Variants in PIM3 observed in about 807,000 individuals in gnomAD.
PIM3 encodes Pim-3 proto-oncogene, serine/threonine kinase, also known as serine/threonine-protein kinase pim-3.
Under a neutral mutation model 27.5 loss-of-function variants are expected in PIM3, and 13 were observed. That is an observed-to-expected ratio of 0.47 (90% CI 0.31 to 0.75). PIM3 has a LOEUF of 0.75. Ranked by LOEUF, PIM3 falls within the 30% of genes least tolerant of loss-of-function variation. The pLI, the probability that PIM3 is intolerant of heterozygous loss-of-function variation, is 0.05. For missense variants in PIM3, 482 were observed against 476.9 expected (o/e 1.01, Z -0.10); for synonymous variants, 341 against 221.1 (o/e 1.54, Z -4.81).
In PIM3 at chr22:49,961,643, T is replaced by C. The variant is rs1447299448; in HGVS notation, c.448T>C (p.Phe150Leu). 4.5e-6 allele frequency: 7 copies of C among 1,567,734 alleles called. No individual in the cohort carries two copies. In the East Asian group the frequency reaches 1.7e-4, roughly 37 times the overall value. ...CCTGGACGAGCCGCTGGCGCGCCGC[T>C]TCTTCGCGCAGGTGCTGGCCGCCGT... ...GALDEPLARRFFAQVLAAVRH... is the reference protein window; with the variant it reads ...GALDEPLARRLFAQVLAAVRH... The change falls in exon 4 of 6, where the codon TTC (phenylalanine) becomes CTC (leucine). Residue 150 changes from phenylalanine to leucine, a missense_variant. Transcript: ENST00000360612.
rs962395111 is a variant in PIM3 at position 49,963,534 on chromosome 22, C to G, written c.*407C>G. ...CACACACAATGCAAGTCCTGGCCTC[C>G]GCGCCCGCCCGCCCACGCGAGCCGT... On this transcript the variant is annotated 3_prime_UTR_variant, in exon 6 of 6. Transcript: ENST00000360612. 6.1e-6 allele frequency: 1 copy of G among 164,878 alleles called. No homozygotes were observed. Among genetic ancestry groups the G allele is most frequent in the African/African-American group, 2.4e-5 (1 of 41,908 alleles). The allele number at this position is 164,878 out of a possible 1,614,324, so 10.2% of individuals were successfully genotyped here.
rs1193680182 is a variant in PIM3, at chr22:49,963,102, C to T, written c.956C>T (p.Thr319Ile). The change falls in exon 6 of 6, where the codon ACC becomes ATC. Residue 319 changes from threonine (T) to isoleucine (I), a missense_variant. Thr to Ile is a moderately conservative substitution (Grantham distance 89, BLOSUM62 -1). Transcript: ENST00000360612. ...CTCGACCCTGATGACGTGGCCAGCA[C>T]CACGTCCAGCAGCGAGAGCTTGTGA... Reference protein sequence around the residue: ...CTLDPDDVASTTSSSESL With the variant: ...CTLDPDDVASITSSSESL The T allele has an allele frequency of 6.2e-7, 1 of 1,608,636 alleles. No individual in the cohort carries two copies. Among genetic ancestry groups the T allele is most frequent in the Non-Finnish European group, 8.5e-7 (1 of 1,178,014 alleles).
Position 49,963,398 on chromosome 22 carries a change from C to A in PIM3, c.*271C>A. ...CAGACGCCCCTCTGTGCTGCTGTGT[C>A]CGGAGGCGGCCTTCCCATCTGCCTG... On this transcript the variant is annotated 3_prime_UTR_variant, in exon 6 of 6. Coordinates refer to ENST00000360612, the MANE Select transcript of PIM3 (RefSeq NM_001001852.4). 1 of 380,702 alleles carries A rather than the reference C, an allele frequency of 2.6e-6. No homozygotes were observed. Among genetic ancestry groups the A allele is most frequent in the Non-Finnish European group, 4.8e-6 (1 of 209,262 alleles). The allele number at this position is 380,702 out of a possible 1,614,324, so 23.6% of individuals were successfully genotyped here.
Position 49,961,526 on chromosome 22 carries a change from G to C in PIM3, c.331G>C (p.Asp111His). 1 of 1,541,672 alleles carries C rather than the reference G, an allele frequency of 6.5e-7. No individual in the cohort carries two copies. The highest frequency in any genetic ancestry group is 8.7e-7 in the Non-Finnish European group (1 of 1,144,388). Residue 111 changes from aspartate (D) to histidine (H), a missense_variant, in exon 4 of 6, where the codon GAC becomes CAC. Transcript: ENST00000360612. ...GGARGVIRLL[D>H]WFERPDGFLL... ...CGCGCGCGGCGTCATCCGCCTGCTG[G>C]ACTGGTTCGAGCGGCCCGACGGCTT...
At chr22:49,961,892 CTGA>C in intron 4 of PIM3, 81 bp downstream of exon 4, 15 of 1,561,034 alleles carry the variant, frequency 9.6e-6, no homozygotes, top group Non-Finnish European at 1.3e-5. Flanking sequence ...CATGGAGGGG[CTGA>C]TGACTGTTGG....
In PIM3 at chr22:49,963,163, G is replaced by A; in HGVS notation, c.*36G>A. 2 of 1,521,112 alleles carry A rather than the reference G, an allele frequency of 1.3e-6. No individual in the cohort carries two copies. Among genetic ancestry groups the A allele is most frequent in the Non-Finnish European group, 8.8e-7 (1 of 1,130,286 alleles). 94.2% of individuals were successfully genotyped at this position (1,521,112 alleles called of 1,614,324 possible). A position where few individuals can be genotyped will look rare whatever the true frequency, so the allele number is the denominator to read the frequency against. On this transcript the variant is annotated 3_prime_UTR_variant, in exon 6 of 6. Transcript: ENST00000360612. ...CTGACTGGGAGCTAGGGGACCACCT[G>A]CCTTGGCCAGACCTGGGACGCCCCC... is the stretch of plus-strand genomic sequence containing the variant.
Position 49,961,621 on chromosome 22 carries a change from G to A in PIM3, c.426G>A (p.Leu142=). The A allele has an allele frequency of 6.4e-7, 1 of 1,552,856 alleles. No individual in the cohort carries two copies. The highest frequency in any genetic ancestry group is 8.7e-7 in the Non-Finnish European group (1 of 1,149,164). ...LFDFITERGA[L]DEPLARRFFA... ...ACTTTATCACGGAGCGCGGCGCCCT[G>A]GACGAGCCGCTGGCGCGCCGCTTCT... Residue 142 remains leucine, a synonymous_variant, in exon 4 of 6, where the codon CTG becomes CTA. Coordinates refer to ENST00000360612, the MANE Select transcript of PIM3 (RefSeq NM_001001852.4).
At chr22:49,961,398 C>CGGA in intron 3 of PIM3, 30 bp downstream of exon 3, 1 of 1,414,068 alleles carries the variant, frequency 7.1e-7, no homozygotes, top group Non-Finnish European at 9.2e-7. Flanking sequence ...GCGGCGGCGG[C>CGGA]GGGGGGCGGG....
At position 49,961,691 on chromosome 22, in the gene PIM3, G is replaced by A; in HGVS notation, c.496G>A (p.Val166Ile). The part of the protein sequence containing the change: ...AAVRHCHSCG[V>I]VHRDIKDENL... ...CGTGCGCCACTGCCACAGCTGCGGG[G>A]TCGTGCACCGCGACATTAAGGACGA... The change falls in exon 4 of 6, where the codon GTC (valine) becomes ATC (isoleucine). Residue 166 changes from valine (V) to isoleucine (I), a missense_variant. Transcript: ENST00000360612. The A allele has an allele frequency of 6.2e-7, 1 of 1,601,402 alleles. No homozygotes were observed. The highest frequency in any genetic ancestry group is 8.5e-7 in the Non-Finnish European group (1 of 1,174,866).
chr22:49,963,110 A>G lies in PIM3; in HGVS notation c.964A>G (p.Ser322Gly), dbSNP rs771763317. 6.2e-7 allele frequency: 1 copy of G among 1,605,270 alleles called. No homozygotes were observed. The highest frequency in any genetic ancestry group is 8.5e-7 in the Non-Finnish European group (1 of 1,176,182). Residue 322 changes from serine to glycine, a missense_variant, in exon 6 of 6, where the codon AGC (serine) becomes GGC (glycine). Coordinates refer to ENST00000360612, the MANE Select transcript of PIM3 (RefSeq NM_001001852.4). The part of the protein sequence containing the change: ...DPDDVASTTS[S>G]SESL ...TGATGACGTGGCCAGCACCACGTCC[A>G]GCAGCGAGAGCTTGTGAGGAGCTGC...
chr22:49,962,621 A>C, intron 4 of PIM3, 68 bp from the exon 5 acceptor site: 1 of 1,513,896 alleles, frequency 6.6e-7, no homozygotes, highest in Non-Finnish European at 8.9e-7. Context: ...GTTAACCAGC[A>C]GGGACCTCGC....
rs560099037 is a variant in PIM3 at position 49,961,823 on chromosome 22, C to T, written c.616+12C>T. ...CACCGACTTCGACGGTGAGCGCGGG[C>T]GCGGGGCAGGGAACGTTCCGGGGGC... On this transcript the variant is annotated intron_variant, in intron 4 of 5. Transcript: ENST00000360612. 2 of 1,610,720 alleles carry T rather than the reference C, an allele frequency of 1.2e-6. No individual in the cohort carries two copies. The highest frequency in any genetic ancestry group is 1.3e-5 in the African/African-American group (1 of 74,776).
At position 49,963,033 on chromosome 22, in the gene PIM3, C is replaced by G. The variant is rs1160873096; in HGVS notation, c.887C>G (p.Ala296Gly). 6.2e-7 allele frequency: 1 copy of G among 1,612,144 alleles called. No individual in the cohort carries two copies. Among genetic ancestry groups the G allele is most frequent in the Admixed American group, 1.7e-5 (1 of 59,976 alleles). ...GCGGCCCATCCCTGGATGCTGGGGG[C>G]TGACGGGGGCGTCCCGGAGAGCTGT... ...QIAAHPWMLG[A>G]DGGVPESCDL... The change falls in exon 6 of 6, where the codon GCT becomes GGT. Residue 296 changes from alanine to glycine, a missense_variant. Coordinates refer to ENST00000360612, the MANE Select transcript of PIM3 (RefSeq NM_001001852.4).
intron 4 of PIM3, 97 bp from the exon 5 acceptor site, chr22:49,962,592 C>A: frequency 7.4e-7 from 1 of 1,359,632 alleles, no homozygotes; most frequent in Non-Finnish European, 9.9e-7. Flanking sequence ...GCTCTGCTTC[C>A]TGTTACTGAG....
intron 4 of PIM3, among the ~76,000 whole-genome samples, 181 bp from the exon 5 acceptor site, chr22:49,962,508 C>T (rs2060913673): frequency 6.6e-6 from 1 of 151,844 alleles, no homozygotes; most frequent in African/African-American, 2.4e-5. Context: ...GGGGGACGGC[C>T]GGCCCCTCCC....
At position 49,961,246 on chromosome 22, in the gene PIM3, C is replaced by T. The variant is rs1295921871; in HGVS notation, c.195+12C>T. The T allele has an allele frequency of 6.5e-7, 1 of 1,534,142 alleles. No homozygotes were observed. The highest frequency in any genetic ancestry group is 2.1e-5 in the Admixed American group (1 of 48,290). On this transcript the variant is annotated intron_variant, in intron 2 of 5. Coordinates refer to ENST00000360612, the MANE Select transcript of PIM3 (RefSeq NM_001001852.4). ...CCGACGGGCTCCCGGTGAGTCGGAC[C>T]GCCGGGCGGGCCCGGGTTTCTCGCG... is the stretch of plus-strand genomic sequence containing the variant.
At position 49,961,487 on chromosome 22, in the gene PIM3, G is replaced by GGCGCGGCGGGCGGCGC; in HGVS notation, c.301_316dup (p.Val106GlyfsTer72). On this transcript the variant is annotated frameshift_variant, in exon 4 of 6. Coordinates refer to ENST00000360612, the MANE Select transcript of PIM3 (RefSeq NM_001001852.4). LOFTEE classifies it high-confidence loss of function. ...GGAGGTGGTGCTGCTGCGCAAGGTG[G>GGCGCGGCGGGCGGCGC]GCGCGGCGGGCGGCGCGCGCGGCGT... is the stretch of plus-strand genomic sequence containing the variant. The GGCGCGGCGGGCGGCGC allele has an allele frequency of 6.7e-7, 1 of 1,492,278 alleles. No individual in the cohort carries two copies. Among genetic ancestry groups the GGCGCGGCGGGCGGCGC allele is most frequent in the Non-Finnish European group, 8.9e-7 (1 of 1,125,056 alleles). 92.4% of individuals were successfully genotyped at this position (1,492,278 alleles called of 1,614,324 possible).
chr22:49,962,545 T>G, intron 4 of PIM3, 144 bp from the exon 5 acceptor site: 1 of 975,878 alleles, frequency 1.0e-6, no homozygotes, highest in Non-Finnish European at 1.4e-6. Flanking sequence ...CTGCCGGGGT[T>G]TTTCCAGGGT....
chr22:49,962,785 T>C lies in PIM3; in HGVS notation c.713T>C (p.Met238Thr). Residue 238 changes from methionine to threonine, a missense_variant, in exon 5 of 6, where the codon ATG (methionine) becomes ACG (threonine). Met to Thr is a moderately conservative substitution (Grantham distance 81). Coordinates refer to ENST00000360612, the MANE Select transcript of PIM3 (RefSeq NM_001001852.4). ...TCGCTGGGCGTGCTTCTCTACGATATGGTGTGTGGGGACATCCCCTTCGAG... is the reference window on the plus strand; with the variant it reads ...TCGCTGGGCGTGCTTCTCTACGATACGGTGTGTGGGGACATCCCCTTCGAG... ...VWSLGVLLYD[M>T]VCGDIPFEQD... is the part of the protein sequence containing the mutation. 6.2e-7 allele frequency: 1 copy of C among 1,612,704 alleles called. No homozygotes were observed. Among genetic ancestry groups the C allele is most frequent in the Non-Finnish European group, 8.5e-7 (1 of 1,179,950 alleles).
Sources: allele counts gnomAD v4.1 joint callset (sites outside exome capture counted in the v4.1 genomes callset), GRCh38; gene constraint gnomAD v4.1.1; transcripts MANE v1.5; gene names NCBI Gene and HGNC (gene_info 2026-07-23, HGNC 2026-07-21).